RORA: variants seen among roughly 807,000 people sequenced by gnomAD.
The protein encoded by RORA is RAR related orphan receptor A, also known as nuclear receptor ROR-alpha.
RORA carries 7 observed loss-of-function variants against 69.5 expected under a neutral mutation model. That is an observed-to-expected ratio of 0.10 (90% CI 0.06 to 0.19). The LOEUF (loss-of-function observed/expected upper bound fraction) is 0.19, where lower values mean the gene tolerates loss of function less well. Among genes scored for constraint, RORA ranks in the 10% least tolerant of loss-of-function variants. The probability of loss-of-function intolerance (pLI) is 1.00; values close to 1 mark genes in which losing one functional copy is unlikely to be tolerated. For missense variants in RORA, 457 were observed against 663.0 expected, an observed-to-expected ratio of 0.69 and a Z score of 3.41; for synonymous variants, 261 against 240.8, an observed-to-expected ratio of 1.08 and a Z score of -0.78.
intron 1 of RORA, among the ~76,000 whole-genome samples, chr15:60,925,093 T>TAATAAAATAA (rs59752102): frequency 0.011 from 1,592 of 140,050 alleles, 21 homozygotes; most frequent in Admixed American, 0.03. Flanking sequence ...ATAAATAAAT[T>TAATAAAATAA]AATAAAATAA....
intron 1 of RORA, among the ~76,000 whole-genome samples, chr15:61,068,475 T>C (rs1477596063): frequency 2.0e-5 from 3 of 152,224 alleles, no homozygotes; most frequent in Non-Finnish European, 2.9e-5. Context: ...AAATTCACTA[T>C]GTCAATTGCA....
chr15:60,719,933 A>G (rs1167289598), intron 1 of RORA, among the ~76,000 whole-genome samples: 4 of 152,178 alleles, frequency 2.6e-5, no homozygotes, highest in Non-Finnish European at 5.9e-5. Context: ...GCGTAGCTAC[A>G]TTGCAGTGTT....
intron 1 of RORA, among the ~76,000 whole-genome samples, chr15:60,753,850 T>G (rs142629372): frequency 2.1e-4 from 32 of 152,330 alleles, no homozygotes; most frequent in Middle Eastern, 3.4e-3. Flanking sequence ...AGCACTTGAT[T>G]CTTTTTAAAG....
rs369744812 is a variant in RORA, at chr15:61,007,591, C to T, written c.166+221462G>A. Among the ~76,000 whole-genome samples, 55 of 151,626 alleles carry T rather than the reference C, an allele frequency of 3.6e-4. 1 individual carries two copies. The South Asian group carries it at 0.01, about 28-fold the overall frequency. The stretch of plus-strand genomic sequence containing the variant: ...TAGAAGATTTAAAAAATTACCTATA[C>T]CTTTACGGTCATAGGATTTAAAAAA... On this transcript the variant is annotated intron_variant, in intron 1 of 10. Coordinates refer to ENST00000335670, the MANE Select transcript of RORA (RefSeq NM_134261.3).
intron 1 of RORA, among the ~76,000 whole-genome samples, chr15:60,700,115 C>T (rs751086700): frequency 8.5e-5 from 13 of 152,098 alleles, no homozygotes; most frequent in Non-Finnish European, 1.5e-4. Context: ...GGGGAGAGGA[C>T]GCACATATTT....
chr15:60,587,162 G>T (rs1230944595), intron 2 of RORA, among the ~76,000 whole-genome samples: 1 of 152,108 alleles, frequency 6.6e-6, no homozygotes, highest in South Asian at 2.1e-4. Context: ...GTACTTCATG[G>T]TATTCTGTAT....
chr15:61,186,180 G>C (rs187233472), intron 1 of RORA, among the ~76,000 whole-genome samples: 2 of 152,240 alleles, frequency 1.3e-5, no homozygotes, highest in East Asian at 3.9e-4. Context: ...TCTTTGATTA[G>C]ACTACAATTT....
At chr15:60,950,083 G>T (rs1021709446) in intron 1 of RORA, among the ~76,000 whole-genome samples, 12 of 151,470 alleles carry the variant, frequency 7.9e-5, no homozygotes, top group Admixed American at 4.0e-4. Flanking sequence ...GACTAACAGC[G>T]GATCTCTCGG....
At chr15:60,708,165 C>A (rs978924385) in intron 1 of RORA, among the ~76,000 whole-genome samples, 1 of 152,102 alleles carries the variant, frequency 6.6e-6, no homozygotes, top group African/African-American at 2.4e-5. Flanking sequence ...CTGTATTATT[C>A]GTGTTGATAG....
chr15:60,511,247 T>C lies in RORA; in HGVS notation c.799A>G (p.Thr267Ala). 1.2e-6 allele frequency: 2 copies of C among 1,613,508 alleles called. No individual in the cohort carries two copies. The highest frequency in any genetic ancestry group is 1.7e-4 in the Middle Eastern group (1 of 6,060). Reference protein sequence around the residue: ...CSFTNGETSPTVSMAELEHLA... With the variant: ...CSFTNGETSPAVSMAELEHLA... ...TTACCTAATTCTGCCATGGACACAG[T>C]TGGGGAAGTCTCGCCGTTGGTGAAC... Residue 267 changes from threonine to alanine, a missense_variant, in exon 5 of 11, where the codon ACT (threonine) becomes GCT (alanine). Coordinates refer to ENST00000335670, the MANE Select transcript of RORA (RefSeq NM_134261.3). This position sits in a 1 kb window ranked among gnomAD's most constrained non-coding sequence, Gnocchi z 6.4.
intron 1 of RORA, among the ~76,000 whole-genome samples, chr15:60,782,685 T>G (rs1341868667): frequency 6.6e-6 from 1 of 152,170 alleles, no homozygotes; most frequent in African/African-American, 2.4e-5. Context: ...AACCCCTCTC[T>G]CAAATGTGGC....
At chr15:61,023,491 T>C (rs1595885801) in intron 1 of RORA, among the ~76,000 whole-genome samples, 1 of 152,178 alleles carries the variant, frequency 6.6e-6, no homozygotes, top group Non-Finnish European at 1.5e-5. Context: ...AATTATTTCC[T>C]ACTGGGTCCC....
chr15:60,591,209 G>A (rs2068493903), intron 2 of RORA, among the ~76,000 whole-genome samples: 2 of 152,176 alleles, frequency 1.3e-5, no homozygotes, highest in South Asian at 4.2e-4. Context: ...AACAGATGGG[G>A]CTCTAAATCC....
At position 60,816,011 on chromosome 15, in the gene RORA, A is replaced by T. The variant is rs549876597; in HGVS notation, c.167-137325T>A. Among the ~76,000 whole-genome samples, 809 of 101,658 alleles carry T rather than the reference A, an allele frequency of 8.0e-3. 96 individuals carry two copies. The highest frequency in any genetic ancestry group is 0.035 in the East Asian group (102 of 2,888). 66.7% of individuals were successfully genotyped at this position (101,658 alleles called of 152,430 possible). On this transcript the variant is annotated intron_variant, in intron 1 of 10. Coordinates refer to ENST00000335670, the MANE Select transcript of RORA (RefSeq NM_134261.3). ...GTATATATATACTATAAACAGTATA[A>T]GTATTTATATACTATATATAGTATA...
intron 3 of RORA, chr15:60,529,934 G>A (rs2066479886): frequency 6.6e-6 from 1 of 152,130 alleles, no homozygotes. Context: ...TCAGTTTTTT[G>A]GGCAGAATGA....
chr15:60,878,170 C>CAAA (rs11362081), intron 1 of RORA, among the ~76,000 whole-genome samples: 3,333 of 69,560 alleles, frequency 0.048, 156 homozygotes, highest in East Asian at 0.28. Flanking sequence ...ACTAAAAATA[C>CAAA]AAAAAAAAAA....
Position 61,025,607 on chromosome 15 carries a change from G to A in RORA, c.166+203446C>T, listed in dbSNP as rs374856496. ...GACACCTTGTGGACTGAGGACATAAGTTCGTAAAAGCTCCCTGGGCTGATG... is the reference window on the plus strand; with the variant it reads ...GACACCTTGTGGACTGAGGACATAAATTCGTAAAAGCTCCCTGGGCTGATG... On this transcript the variant is annotated intron_variant, in intron 1 of 10. Coordinates refer to ENST00000335670, the MANE Select transcript of RORA (RefSeq NM_134261.3). 3.0e-4 allele frequency among the ~76,000 whole-genome samples: 45 copies of A among 152,318 alleles called. 2 individuals carry two copies. The South Asian group carries it at 6.8e-3, about 23-fold the overall frequency.
At chr15:61,189,567 C>G (rs1328267418) in intron 1 of RORA, among the ~76,000 whole-genome samples, 1 of 152,090 alleles carries the variant, frequency 6.6e-6, no homozygotes, top group Non-Finnish European at 1.5e-5. Context: ...GAAGACAGAA[C>G]AGATATCTGG....
intron 1 of RORA, among the ~76,000 whole-genome samples, chr15:60,763,434 T>G (rs1563565): frequency 0.56 from 85,358 of 151,930 alleles, 24,266 homozygotes; most frequent in South Asian, 0.64. Context: ...TTATTTTTCC[T>G]TAACTTTCTT....
Sources: gnomAD v4.1 joint callset for allele counts (sites outside exome capture counted in the v4.1 genomes callset) on GRCh38, gnomAD v4.1.1 for gene constraint, Gnocchi (gnomAD v3.1) non-coding constraint, MANE v1.5 for transcripts, NCBI Gene and HGNC (gene_info 2026-07-23, HGNC 2026-07-21) for gene names.